NRAP: variants seen among roughly 807,000 people sequenced by gnomAD.
NRAP encodes the protein nebulin related anchoring protein, also known as nebulin-related-anchoring protein.
Under a neutral mutation model 225.9 loss-of-function variants are expected in NRAP, and 189 were observed. That is an observed-to-expected ratio of 0.84 (90% CI 0.74 to 0.94). NRAP has a LOEUF of 0.94. Ranked by LOEUF, NRAP falls within the 40% of genes least tolerant of loss-of-function variation. NRAP has a pLI of 0.00. For missense variants in NRAP, 2,176 were observed against 2,168.7 expected (o/e 1.00, Z -0.07); for synonymous variants, 769 against 790.7 (o/e 0.97, Z 0.46).
chr10:113,605,765 A>G lies in NRAP; in HGVS notation c.3912T>C (p.Ser1304=). The G allele has an allele frequency of 6.2e-7, 1 of 1,600,524 alleles. No individual in the cohort carries two copies. Among genetic ancestry groups the G allele is most frequent in the South Asian group, 1.1e-5 (1 of 90,766 alleles). ...AAGGTCATATCATTCAACTCACATC[A>G]CTGGCTATATCTCCAGAGGCCCGGG... ...QAARASGDIA[S]DFLYRHDFVK... The change falls in exon 34 of 42, where the codon AGT becomes AGC. Residue 1304 remains serine (S), a synonymous_variant. Coordinates refer to ENST00000359988, the MANE Select transcript of NRAP (RefSeq NM_198060.4).
intron 38 of NRAP, among the ~76,000 whole-genome samples, chr10:113,594,358 C>T (rs773964602): frequency 5.3e-5 from 8 of 152,328 alleles, no homozygotes; most frequent in Non-Finnish European, 7.3e-5. Context: ...TGGCTAATTT[C>T]AGCTCCAGGA....
Position 113,631,536 on chromosome 10 carries a change from G to T in NRAP, c.1815C>A (p.Ser605=). The change falls in exon 18 of 42, where the codon TCC becomes TCA. Residue 605 remains serine (S), a synonymous_variant. Transcript: ENST00000359988. ...CACTGCTCATCTTAGCAATCTGCAG[G>T]GAGTGCAGAAGCCTAGAGTCGGCTG... The part of the protein sequence containing the change: ...MGTADSRLLH[S]LQIAKMSSEV... 1 of 1,609,128 alleles carries T rather than the reference G, an allele frequency of 6.2e-7. No individual in the cohort carries two copies. The highest frequency in any genetic ancestry group is 8.5e-7 in the Non-Finnish European group (1 of 1,176,516).
At chr10:113,652,588 G>C (rs910650190) in intron 6 of NRAP, among the ~76,000 whole-genome samples, 1 of 150,528 alleles carries the variant, frequency 6.6e-6, no homozygotes, top group Non-Finnish European at 1.5e-5. Flanking sequence ...AGGTTGCAGT[G>C]AGCCAAGAAT....
chr10:113,631,016 C>T (rs1039277937), intron 18 of NRAP, among the ~76,000 whole-genome samples: 1 of 152,132 alleles, frequency 6.6e-6, no homozygotes, highest in African/African-American at 2.4e-5. Flanking sequence ...CCAGCTATTA[C>T]AGTTGTTTAC....
intron 38 of NRAP, among the ~76,000 whole-genome samples, chr10:113,594,101 C>G (rs568559258): frequency 6.6e-6 from 1 of 152,140 alleles, no homozygotes; most frequent in Non-Finnish European, 1.5e-5. Flanking sequence ...GATTTGGAAC[C>G]CTGGGCGTTC....
intron 28 of NRAP, 81 bp from the exon 29 acceptor site, chr10:113,614,377 T>C: frequency 9.9e-7 from 1 of 1,010,170 alleles, no homozygotes; most frequent in Non-Finnish European, 1.6e-6. Context: ...TGGGTGAAAA[T>C]GTTTTGTTCT....
At chr10:113,622,202 G>GGGAT in intron 23 of NRAP, 22 bp from the exon 24 acceptor site, 3 of 1,552,564 alleles carry the variant, frequency 1.9e-6, no homozygotes, top group Non-Finnish European at 2.7e-6. Context: ...GAATAGAGCA[G>GGGAT]GGATACATTA....
chr10:113,628,520 T>A (rs1201458073), intron 20 of NRAP, among the ~76,000 whole-genome samples: 1 of 152,122 alleles, frequency 6.6e-6, no homozygotes, highest in Non-Finnish European at 1.5e-5. Flanking sequence ...TTAAGTGACT[T>A]TTCTGAAATC....
At chr10:113,595,458 G>A (rs567217837) in intron 38 of NRAP, among the ~76,000 whole-genome samples, 165 bp downstream of exon 38, 4 of 152,272 alleles carry the variant, frequency 2.6e-5, no homozygotes, top group African/African-American at 9.6e-5. Flanking sequence ...GAGGACCACT[G>A]AGGAAAGTGA....
rs1287214827 is a variant in NRAP at position 113,645,948 on chromosome 10, A to AAT, written c.994-8_994-7insAT. On this transcript the variant is annotated splice_polypyrimidine_tract_variant and splice_region_variant and intron_variant, in intron 10 of 41. Transcript: ENST00000359988. ...AGTCCTGCCTGTATTTTATCTGAAA[A>AAT]AAAAAACACAAAACGGGGCTGGAGT... 1 of 1,431,322 alleles carries AAT rather than the reference A, an allele frequency of 7.0e-7. No homozygotes were observed. The highest frequency in any genetic ancestry group is 9.6e-7 in the Non-Finnish European group (1 of 1,037,006). The allele number at this position is 1,431,322 out of a possible 1,614,324, so 88.7% of individuals were successfully genotyped here.
At chr10:113,601,334 C>T (rs753465718) in intron 35 of NRAP, among the ~76,000 whole-genome samples, 4 of 152,254 alleles carry the variant, frequency 2.6e-5, no homozygotes, top group Admixed American at 6.5e-5. Context: ...TGGGGCTGCT[C>T]CCTTGACGTA....
At chr10:113,608,007 T>C (rs922865640) in intron 32 of NRAP, among the ~76,000 whole-genome samples, 25 of 152,202 alleles carry the variant, frequency 1.6e-4, no homozygotes, top group African/African-American at 5.8e-4. Context: ...CCACATCAGA[T>C]TGACAATGTA....
chr10:113,628,746 G>A (rs1256133745), intron 20 of NRAP, among the ~76,000 whole-genome samples, 171 bp downstream of exon 20: 1 of 152,174 alleles, frequency 6.6e-6, no homozygotes, highest in African/African-American at 2.4e-5. Context: ...TAAGTTTAAG[G>A]GTGTGGAAAG....
chr10:113,647,521 C>T (rs1315771066), intron 9 of NRAP, among the ~76,000 whole-genome samples: 5 of 150,206 alleles, frequency 3.3e-5, no homozygotes, highest in African/African-American at 4.9e-5. Flanking sequence ...TACTGTCTCC[C>T]CCGGTGGTAC....
chr10:113,629,656 C>T lies in NRAP; in HGVS notation c.1972G>A (p.Glu658Lys), dbSNP rs1848474110. 1 of 1,613,976 alleles carries T rather than the reference C, an allele frequency of 6.2e-7. No homozygotes were observed. Among genetic ancestry groups the T allele is most frequent in the African/African-American group, 1.3e-5 (1 of 74,940 alleles). Reference protein sequence around the residue: ...SDLDYRKKLHEYTVLPEDMKT... With the variant: ...SDLDYRKKLHKYTVLPEDMKT... ...ATATCTTCAGGCAGCACAGTGTATT[C>T]ATGCAGTTTCTTCCTGTAGTCCAGG... The change falls in exon 19 of 42, where the codon GAA becomes AAA. Residue 658 changes from glutamate (E) to lysine (K), a missense_variant. Coordinates refer to ENST00000359988, the MANE Select transcript of NRAP (RefSeq NM_198060.4).
rs143306580 is a variant in NRAP, at chr10:113,617,432, A to G, written c.2973+23T>C. 4.6e-4 allele frequency: 609 copies of G among 1,337,814 alleles called. 11 individuals carry two copies. The East Asian group carries it at 0.014, about 30-fold the overall frequency. 82.9% of individuals were successfully genotyped at this position (1,337,814 alleles called of 1,614,324 possible). ...AAGAAGAGCCCACTCTTAGAGTCAT[A>G]ATGTATATACATTATCACTTACATC... On this transcript the variant is annotated intron_variant, in intron 26 of 41. Coordinates refer to ENST00000359988, the MANE Select transcript of NRAP (RefSeq NM_198060.4).
chr10:113,594,359 A>G (rs1846164359), intron 38 of NRAP, among the ~76,000 whole-genome samples: 1 of 152,166 alleles, frequency 6.6e-6, no homozygotes, highest in Admixed American at 6.5e-5. Flanking sequence ...GGCTAATTTC[A>G]GCTCCAGGAC....
intron 12 of NRAP, 89 bp from the exon 13 acceptor site, chr10:113,641,561 G>A: frequency 1.3e-6 from 1 of 746,680 alleles, no homozygotes; most frequent in Non-Finnish European, 2.3e-6. Context: ...TAAATCCAAG[G>A]CATAAATGAT....
intron 20 of NRAP, among the ~76,000 whole-genome samples, chr10:113,626,542 C>A (rs1848302802): frequency 6.6e-6 from 1 of 152,114 alleles, no homozygotes; most frequent in South Asian, 2.1e-4. Flanking sequence ...GCACATCACT[C>A]AATCCAACCT....
Sources: allele counts gnomAD v4.1 joint callset (sites outside exome capture counted in the v4.1 genomes callset), GRCh38; gene constraint gnomAD v4.1.1; transcripts MANE v1.5; gene names NCBI Gene and HGNC (gene_info 2026-07-23, HGNC 2026-07-21).